Variants in KCTD2 observed in about 807,000 individuals in gnomAD.
KCTD2 encodes the protein potassium channel tetramerization domain containing 2.
Under a neutral mutation model 27.9 loss-of-function variants are expected in KCTD2, and 18 were observed. The ratio of observed to expected loss-of-function variants is 0.64; its 90% CI spans 0.45 to 0.96. The LOEUF (loss-of-function observed/expected upper bound fraction) is 0.96, where lower values mean the gene tolerates loss of function less well. KCTD2 is among the 40% of genes least tolerant of loss of function. The pLI is 0.00. For missense variants in KCTD2, 280 were observed against 348.0 expected (o/e 0.80, Z 1.56); for synonymous variants, 175 against 148.4 (o/e 1.18, Z -1.30).
rs556747028 is a variant in KCTD2 at position 75,056,344 on chromosome 17, C to T, written c.541-3166C>T. ...TTAATAGTTTAGACATTTTGGTAAT[C>T]TAGCCTTATCCTCAGTTTCCCACAT... On this transcript the variant is annotated intron_variant, in intron 3 of 5. Coordinates refer to ENST00000322444, the MANE Select transcript of KCTD2 (RefSeq NM_015353.3). 9.8e-5 allele frequency among the ~76,000 whole-genome samples: 15 copies of T among 152,306 alleles called. No homozygotes were observed. The South Asian group carries it at 3.1e-3, about 32-fold the overall frequency.
In KCTD2 at chr17:75,049,309, T is replaced by A; in HGVS notation, c.429T>A (p.Thr143=). ...TCCGCCACGGGAAACTCATCATCAC[T>A]AAGGAGTTGGCAGAAGAAGGTAAGC... The part of the protein sequence containing the change: ...NYLRHGKLII[T]KELAEEGVLE... The change falls in exon 2 of 6, where the codon ACT becomes ACA. Residue 143 remains threonine (T), a synonymous_variant. Transcript: ENST00000322444. The A allele has an allele frequency of 2.5e-6, 4 of 1,610,192 alleles. No individual in the cohort carries two copies. Among genetic ancestry groups the A allele is most frequent in the African/African-American group, 1.3e-5 (1 of 74,956 alleles).
At position 75,037,224 on chromosome 17, in the gene KCTD2, C is replaced by G. The variant is rs1024506263; in HGVS notation, c.-259+1867C>G. ...CGGGGCGTGGTGGCGGGCGCCTGTA[C>G]TCCCAGCTACTCTGGAGGCTGAGGC... On this transcript the variant is annotated intron_variant, in intron 3 of 7. Coordinates refer to the KCTD2 transcript ENST00000581589. Among the ~76,000 whole-genome samples, 5 of 151,624 alleles carry G rather than the reference C, an allele frequency of 3.3e-5. No homozygotes were observed. The East Asian group carries it at 5.8e-4, about 18-fold the overall frequency.
intron 3 of KCTD2, among the ~76,000 whole-genome samples, chr17:75,056,275 T>C (rs1042775289): frequency 6.6e-6 from 1 of 152,236 alleles, no homozygotes; most frequent in Non-Finnish European, 1.5e-5. Context: ...ACCAGTCTCT[T>C]TGCTATCTTA....
chr17:75,037,541 G>A (rs962027297), intron 3 of KCTD2, among the ~76,000 whole-genome samples: 1 of 152,040 alleles, frequency 6.6e-6, no homozygotes, highest in Non-Finnish European at 1.5e-5. Flanking sequence ...AAATTCTCAA[G>A]ACAGTAAACA....
chr17:75,060,708 C>T (rs1320394218), intron 4 of KCTD2: 1 of 1,009,834 alleles, frequency 9.9e-7, no homozygotes, highest in Non-Finnish European at 1.4e-6. Context: ...CGGTCGCCGC[C>T]ACTCGCCACC....
rs544622073 is a variant in KCTD2, at chr17:75,054,527, C to T, written c.540+1422C>T. Among the ~76,000 whole-genome samples, 32 of 152,156 alleles carry T rather than the reference C, an allele frequency of 2.1e-4. No homozygotes were observed. In the East Asian group the frequency reaches 2.9e-3, roughly 14 times the overall value. ...TGCCCTCAAGAAGCTTGAAGTCGGC[C>T]GGGCGCGGTGGCTCACGCCTGTAAT... On this transcript the variant is annotated intron_variant, in intron 3 of 5. Transcript: ENST00000322444.
chr17:75,035,997 A>C (rs1011759995), intron 3 of KCTD2: 1 of 451,984 alleles, frequency 2.2e-6, no homozygotes, highest in African/African-American at 2.0e-5. Context: ...GGGTGTCAGG[A>C]TGCATGTGTG....
intron 3 of KCTD2, chr17:75,042,132 A>G: frequency 6.6e-7 from 1 of 1,507,936 alleles, no homozygotes; most frequent in Non-Finnish European, 9.2e-7. Flanking sequence ...CCTGCTCCCT[A>G]CCCACAGGCA....
At chr17:75,042,603 A>G, upstream of KCTD2, 1 of 1,613,176 alleles carries the variant, frequency 6.2e-7, no homozygotes, top group Non-Finnish European at 8.5e-7. Flanking sequence ...TGATCTCTGC[A>G]AAAGCTACCC....
At position 75,032,647 on chromosome 17, in the gene KCTD2, G is replaced by C. The variant is rs2040076750; in HGVS notation, c.-547G>C. 6.5e-6 allele frequency: 1 copy of C among 152,838 alleles called. No homozygotes were observed. 9.5% of individuals were successfully genotyped at this position (152,838 alleles called of 1,614,324 possible). On this transcript the variant is annotated 5_prime_UTR_variant, in exon 1 of 8. Coordinates refer to the KCTD2 transcript ENST00000581589. The surrounding 1 kb of genome is among the most constrained non-coding windows in gnomAD (Gnocchi z 4.8). ...AGAGGGAATGGAAACCTGGAGCTGG[G>C]AGTGAGGTTAGAGCTGTAAGATCCA...
rs763238119 is a variant in KCTD2 at position 75,053,122 on chromosome 17, T to C, written c.540+17T>C. 2 of 1,593,814 alleles carry C rather than the reference T, an allele frequency of 1.3e-6. No homozygotes were observed. The highest frequency in any genetic ancestry group is 1.7e-6 in the Non-Finnish European group (2 of 1,161,660). ...ACTTCACAAGTAATGTATTTGGAAC[T>C]GTTAAGGAGGGTTGTTTCAAGTGGG... is the stretch of plus-strand genomic sequence containing the variant. On this transcript the variant is annotated intron_variant, in intron 3 of 5. Coordinates refer to ENST00000322444, the MANE Select transcript of KCTD2 (RefSeq NM_015353.3).
intron 4 of KCTD2, among the ~76,000 whole-genome samples, chr17:75,061,470 A>AC (rs1342280645): frequency 9.9e-5 from 15 of 151,740 alleles, no homozygotes; most frequent in African/African-American, 3.1e-4. Context: ...ACATAGCGAG[A>AC]CCCCCCTTCT....
intron 3 of KCTD2, chr17:75,041,863 C>G (rs1158956498): frequency 4.4e-6 from 1 of 225,484 alleles, no homozygotes; most frequent in Non-Finnish European, 8.6e-6. Flanking sequence ...TGGTGACCTC[C>G]CAGGAGCGGG....
At chr17:75,053,151 C>A (rs1230943778) in intron 3 of KCTD2, 46 bp downstream of exon 3, 5 of 1,454,016 alleles carry the variant, frequency 3.4e-6, no homozygotes, top group Non-Finnish European at 4.8e-6. Context: ...AAGTGGGCTT[C>A]TGTCGGTCGG....
chr17:75,063,300 G>T lies in KCTD2; in HGVS notation c.*253G>T. The T allele has an allele frequency of 1.9e-6, 1 of 521,364 alleles. No individual in the cohort carries two copies. Among genetic ancestry groups the T allele is most frequent in the South Asian group, 2.5e-5 (1 of 40,694 alleles). 32.3% of individuals were successfully genotyped at this position (521,364 alleles called of 1,614,324 possible). ...CATTTGCTTAGCCAGTATTAGAACAGATCTTTACAACAGCAGCTGGGCTGG... is the reference window on the plus strand; with the variant it reads ...CATTTGCTTAGCCAGTATTAGAACATATCTTTACAACAGCAGCTGGGCTGG... On this transcript the variant is annotated 3_prime_UTR_variant, in exon 6 of 6. Coordinates refer to ENST00000322444, the MANE Select transcript of KCTD2 (RefSeq NM_015353.3).
At chr17:75,038,098 C>G (rs116998886) in intron 3 of KCTD2, among the ~76,000 whole-genome samples, 3,423 of 152,102 alleles carry the variant, frequency 0.023, 54 homozygotes, top group Non-Finnish European at 0.038. Context: ...ATGCAAAAAG[C>G]TGTAAGTTAA....
At chr17:75,049,004 A>T (rs2073258612) in intron 1 of KCTD2, 1 of 427,330 alleles carries the variant, frequency 2.3e-6, no homozygotes, top group African/African-American at 2.0e-5. Flanking sequence ...CACCCTACCT[A>T]AGATGATCTT....
chr17:75,048,982 G>C (rs562360738), intron 1 of KCTD2: 1 of 362,524 alleles, frequency 2.8e-6, no homozygotes, highest in African/African-American at 2.1e-5. Flanking sequence ...AAATGAGTAT[G>C]ACTGTCTGTA....
chr17:75,043,094 C>T (rs1000204754), upstream of KCTD2, among the ~76,000 whole-genome samples: 15 of 151,208 alleles, frequency 9.9e-5, no homozygotes, highest in African/African-American at 2.9e-4. Flanking sequence ...TGGTGGCCCG[C>T]GCCATAATCC....
Sources: allele counts gnomAD v4.1 joint callset (sites outside exome capture counted in the v4.1 genomes callset), GRCh38; gene constraint gnomAD v4.1.1; non-coding constraint Gnocchi (gnomAD v3.1); transcripts MANE v1.5; gene names NCBI Gene and HGNC (gene_info 2026-07-23, HGNC 2026-07-21).